Variants in AGBL1 observed in about 807,000 individuals in gnomAD.
AGBL1 encodes AGBL carboxypeptidase 1.
Under a neutral mutation model 118.9 loss-of-function variants are expected in AGBL1, and 130 were observed. The observed-to-expected ratio is 1.09, with a 90% CI of 0.95 to 1.26. AGBL1 has a LOEUF of 1.26. Ranked by LOEUF, AGBL1 falls within the 50% of genes most tolerant of loss-of-function variation. The pLI, the probability that AGBL1 is intolerant of heterozygous loss-of-function variation, is 0.00. For synonymous variants in AGBL1, 555 were observed against 478.9 expected, an observed-to-expected ratio of 1.16 and a Z score of -2.08; for missense variants, 1,584 against 1,298.1, an observed-to-expected ratio of 1.22 and a Z score of -3.38.
At chr15:86,493,825 T>C (rs1198292698) in intron 18 of AGBL1, among the ~76,000 whole-genome samples, 1 of 152,010 alleles carries the variant, frequency 6.6e-6, no homozygotes, top group East Asian at 1.9e-4. Context: ...TTACTTCCTT[T>C]ACAGTCCTAC....
intron 21 of AGBL1, among the ~76,000 whole-genome samples, chr15:86,578,730 G>T (rs28529324): frequency 0.021 from 3,208 of 149,768 alleles, 121 homozygotes; most frequent in African/African-American, 0.073. Context: ...ATAAGGGGGT[G>T]TCCCTACACG....
At chr15:86,367,233 T>C (rs1421962588) in intron 17 of AGBL1, among the ~76,000 whole-genome samples, 1 of 152,174 alleles carries the variant, frequency 6.6e-6, no homozygotes, top group Non-Finnish European at 1.5e-5. Flanking sequence ...AACTAAACAA[T>C]GCCCTCAGAA....
chr15:86,194,085 C>G (rs2077763002), intron 5 of AGBL1, among the ~76,000 whole-genome samples: 1 of 152,206 alleles, frequency 6.6e-6, no homozygotes, highest in Non-Finnish European at 1.5e-5. Context: ...CTTCCTTTCA[C>G]TCGTACTCAC....
At chr15:86,559,736 G>A (rs2083786878) in intron 21 of AGBL1, among the ~76,000 whole-genome samples, 1 of 152,030 alleles carries the variant, frequency 6.6e-6, no homozygotes, top group Non-Finnish European at 1.5e-5. Context: ...GAGAAGTTAA[G>A]TAACTTGCTC....
intron 18 of AGBL1, among the ~76,000 whole-genome samples, chr15:86,401,242 G>A (rs2081440045): frequency 6.6e-6 from 1 of 151,966 alleles, no homozygotes; most frequent in African/African-American, 2.4e-5. Context: ...ATGTTTGTTG[G>A]CTACTTGTAT....
chr15:86,458,658 G>A (rs1422932827), intron 18 of AGBL1, among the ~76,000 whole-genome samples: 1 of 152,134 alleles, frequency 6.6e-6, no homozygotes, highest in Non-Finnish European at 1.5e-5. Context: ...TTGTATGTGA[G>A]CAATACATTT....
At chr15:86,174,160 T>C (rs1387571600) in intron 5 of AGBL1, among the ~76,000 whole-genome samples, 1 of 152,164 alleles carries the variant, frequency 6.6e-6, no homozygotes, top group Non-Finnish European at 1.5e-5. Context: ...TCTAGAGGTC[T>C]TTCACCTATT....
chr15:86,780,776 G>C (rs1477318731), intron 22 of AGBL1, among the ~76,000 whole-genome samples: 1 of 151,034 alleles, frequency 6.6e-6, no homozygotes, highest in Non-Finnish European at 1.5e-5. Flanking sequence ...CAATTCTCCT[G>C]CCTCAGTCTC....
At chr15:86,837,605 A>C (rs888556273) in intron 22 of AGBL1, among the ~76,000 whole-genome samples, 1 of 152,186 alleles carries the variant, frequency 6.6e-6, no homozygotes, top group Admixed American at 6.5e-5. Flanking sequence ...CTGATTCTTG[A>C]TATACAGCAA....
chr15:86,859,809 G>C lies in AGBL1; in HGVS notation c.3159-47278G>C, dbSNP rs530482191. Among the ~76,000 whole-genome samples the C allele has an allele frequency of 1.8e-4, 28 of 152,198 alleles. No homozygotes were observed. In the South Asian group the frequency reaches 5.8e-3, roughly 32 times the overall value. ...ACACCTCAACACCTTGGTATTCTAGGGACAATACATGGCTTTGGAGTCAGA... is the reference window on the plus strand; with the variant it reads ...ACACCTCAACACCTTGGTATTCTAGCGACAATACATGGCTTTGGAGTCAGA... On this transcript the variant is annotated intron_variant, in intron 22 of 22. Coordinates refer to ENST00000614907, the MANE Select transcript of AGBL1 (RefSeq NM_001386094.1).
At chr15:86,192,339 T>A (rs2077736982) in intron 5 of AGBL1, among the ~76,000 whole-genome samples, 1 of 150,374 alleles carries the variant, frequency 6.7e-6, no homozygotes, top group Non-Finnish European at 1.5e-5. Context: ...ATTACAGATA[T>A]TAATGTTTTC....
chr15:86,210,396 A>G (rs563535611), intron 5 of AGBL1, among the ~76,000 whole-genome samples: 1 of 152,346 alleles, frequency 6.6e-6, no homozygotes, highest in East Asian at 1.9e-4. Flanking sequence ...CCTGGATAAT[A>G]TCCTGAAGAG....
intron 18 of AGBL1, among the ~76,000 whole-genome samples, chr15:86,429,065 A>C (rs1410503621): frequency 2.0e-5 from 3 of 152,214 alleles, no homozygotes; most frequent in Non-Finnish European, 4.4e-5. Flanking sequence ...CATAGACAAT[A>C]TCCTTTCCCT....
At chr15:86,988,071 T>C (rs1159815871) in exon 24 of AGBL1, 1 of 1,613,514 alleles carries the variant, frequency 6.2e-7, no homozygotes, top group African/African-American at 1.3e-5. Context: ...AGATGAACCT[T>C]CTTCTGCATG....
chr15:86,403,431 C>T (rs941224845), intron 18 of AGBL1, among the ~76,000 whole-genome samples: 23 of 152,080 alleles, frequency 1.5e-4, no homozygotes, highest in African/African-American at 5.6e-4. Flanking sequence ...TAGTTGAATG[C>T]ACTAGAGGAA....
At chr15:86,105,448 T>A (rs749372147) in intron 1 of AGBL1, 2 of 152,234 alleles carry the variant, frequency 1.3e-5, no homozygotes, top group Non-Finnish European at 2.9e-5. Flanking sequence ...CCACCATCAC[T>A]AATTTAGTTA....
At chr15:86,543,776 A>G (rs1307163017) in intron 19 of AGBL1, among the ~76,000 whole-genome samples, 3 of 152,222 alleles carry the variant, frequency 2.0e-5, no homozygotes, top group Admixed American at 1.3e-4. Flanking sequence ...CCTGGATGAA[A>G]GCATTACAGA....
At position 86,258,788 on chromosome 15, in the gene AGBL1, C is replaced by A. The variant is rs541930607; in HGVS notation, c.969+757C>A. Among the ~76,000 whole-genome samples, 7 of 152,200 alleles carry A rather than the reference C, an allele frequency of 4.6e-5. No individual in the cohort carries two copies. The South Asian group carries it at 6.2e-4, about 14-fold the overall frequency. ...GTGGTGTGATCTTGGCTCACTGCAA[C>A]CTCCACCTCCCGGATCCAAGCAATT... On this transcript the variant is annotated intron_variant, in intron 9 of 22. Transcript: ENST00000614907.
At chr15:86,472,544 G>T (rs1236830686) in intron 18 of AGBL1, among the ~76,000 whole-genome samples, 2 of 152,226 alleles carry the variant, frequency 1.3e-5, no homozygotes. Context: ...CAGTATGTTT[G>T]TTAAATGTTC....
Sources: gnomAD v4.1 joint callset for allele counts (sites outside exome capture counted in the v4.1 genomes callset) on GRCh38, gnomAD v4.1.1 for gene constraint, MANE v1.5 for transcripts, NCBI Gene and HGNC (gene_info 2026-07-23, HGNC 2026-07-21) for gene names.